The following GSN variants were observed in gnomAD, a reference collection of about 807,000 sequenced individuals.
GSN encodes gelsolin, also known as actin-depolymerizing factor.
GSN carries 56 observed loss-of-function variants against 85.7 expected under a neutral mutation model. The ratio of observed to expected loss-of-function variants is 0.65; its 90% CI spans 0.53 to 0.82. The LOEUF is 0.82. GSN is among the 40% of genes least tolerant of loss of function. The pLI is 0.00. For missense variants in GSN, 857 were observed against 979.8 expected, an observed-to-expected ratio of 0.87 and a Z score of 1.67; for synonymous variants, 373 against 399.1, an observed-to-expected ratio of 0.93 and a Z score of 0.78.
intron 6 of GSN, among the ~76,000 whole-genome samples, chr9:121,257,223 A>G (rs923000487): frequency 6.6e-6 from 1 of 152,220 alleles, no homozygotes; most frequent in Non-Finnish European, 1.5e-5. Flanking sequence ...GAAAAGTATG[A>G]TAATTAATAG....
intron 4 of GSN, among the ~76,000 whole-genome samples, chr9:121,304,768 A>T (rs1588984313): frequency 1.3e-5 from 2 of 152,226 alleles, no homozygotes; most frequent in South Asian, 2.1e-4. Flanking sequence ...CTGGAGGCTC[A>T]GAGAGGTCAC....
chr9:121,219,116 A>G (rs542204519), intron 4 of GSN, among the ~76,000 whole-genome samples: 7 of 152,280 alleles, frequency 4.6e-5, no homozygotes, highest in African/African-American at 1.7e-4. Context: ...GGACAGATCC[A>G]CCTGGTGGGG....
At chr9:121,256,892 A>G (rs374690836) in intron 6 of GSN, among the ~76,000 whole-genome samples, 138 of 152,326 alleles carry the variant, frequency 9.1e-4, no homozygotes, top group African/African-American at 3.1e-3. Context: ...CTCCATCTCA[A>G]AAAAAGAAAA....
intron 4 of GSN, among the ~76,000 whole-genome samples, chr9:121,219,547 A>ACTC (rs2054129086): frequency 6.6e-6 from 1 of 152,208 alleles, no homozygotes; most frequent in African/African-American, 2.4e-5. Context: ...AGGGGCTGAG[A>ACTC]AGACCCTGAA....
chr9:121,292,238 C>A lies in GSN; in HGVS notation c.-9-9725C>A, dbSNP rs376223805. Among the ~76,000 whole-genome samples the A allele has an allele frequency of 8.5e-5, 13 of 152,098 alleles. 1 individual carries two copies. The highest frequency in any genetic ancestry group is 8.5e-4 in the Admixed American group (13 of 15,268). On this transcript the variant is annotated intron_variant, in intron 2 of 17. Transcript: ENST00000432226. ...TTGGGTGAGGCAGAACAGGCAAAGT[C>A]AGAGAGGAGGGGAGGGGGTGTCATT...
At chr9:121,268,133 C>A (rs1406897312), upstream of GSN, 1 of 151,618 alleles carries the variant, frequency 6.6e-6, no homozygotes, top group Non-Finnish European at 1.5e-5. Context: ...CCCGGCCGCG[C>A]GCACCACAAC....
At chr9:121,202,110 G>T in the GSN span, among the ~76,000 whole-genome samples, 7 of 152,236 alleles carry the variant, frequency 4.6e-5, no homozygotes, top group Non-Finnish European at 8.8e-5. Context: ...GCGCAGTCGC[G>T]TGTCCTCGCC....
At chr9:121,304,725 G>C (rs1474747345) in intron 4 of GSN, among the ~76,000 whole-genome samples, 1 of 152,212 alleles carries the variant, frequency 6.6e-6, no homozygotes, top group East Asian at 1.9e-4. Context: ...GTCCTGGGAG[G>C]TAAGTAATTC....
chr9:121,318,975 T>A lies in GSN; in HGVS notation c.1191+95T>A, dbSNP rs542584086. ...TCCCCAAGGAGGTTTCTCTCTGAGG[T>A]TTGCACAACTTTGGTAGCTGAGATT... On this transcript the variant is annotated intron_variant, in intron 10 of 17. Coordinates refer to ENST00000432226, the MANE Select transcript of GSN (RefSeq NM_198252.3). The surrounding 1 kb of genome is among the most constrained non-coding windows in gnomAD (Gnocchi z 4.3). 1.0e-6 allele frequency: 1 copy of A among 971,252 alleles called. No homozygotes were observed. The highest frequency in any genetic ancestry group is 1.6e-6 in the Non-Finnish European group (1 of 616,208). 60.2% of individuals were successfully genotyped at this position (971,252 alleles called of 1,614,324 possible).
intron 2 of GSN, chr9:121,282,078 G>A: frequency 2.1e-6 from 1 of 468,110 alleles, no homozygotes. Context: ...GGCAGGGTGG[G>A]GCCCACCTGA....
At chr9:121,296,187 G>A (rs2059203805) in intron 2 of GSN, among the ~76,000 whole-genome samples, 2 of 152,254 alleles carry the variant, frequency 1.3e-5, no homozygotes, top group South Asian at 4.1e-4. Context: ...CCCAGGTCAG[G>A]TGGTGCTAGG....
chr9:121,307,306 AT>A (rs1454843055), intron 4 of GSN, among the ~76,000 whole-genome samples: 1 of 152,244 alleles, frequency 6.6e-6, no homozygotes, highest in Non-Finnish European at 1.5e-5. Context: ...AATGAAAGGC[AT>A]ACTTCAACAA....
chr9:121,288,739 T>C (rs1405749087), intron 2 of GSN, among the ~76,000 whole-genome samples: 15 of 152,056 alleles, frequency 9.9e-5, no homozygotes, highest in Admixed American at 9.2e-4. Flanking sequence ...ACACAATTCA[T>C]AGATCCAGGA....
chr9:121,285,691 C>T (rs2057985460), intron 2 of GSN, among the ~76,000 whole-genome samples: 1 of 152,142 alleles, frequency 6.6e-6, no homozygotes, highest in African/African-American at 2.4e-5. Context: ...TCTCCCTGCT[C>T]ACATGTTTAT....
At chr9:121,239,472 G>T (rs2054560458) in intron 5 of GSN, 2 of 345,508 alleles carry the variant, frequency 5.8e-6, no homozygotes, top group South Asian at 2.7e-5. Flanking sequence ...CCTCAGTGTA[G>T]TCTACGTCTT....
At chr9:121,278,550 CCCAAAGACTGGCCTTT>C (rs2056944208) in intron 1 of GSN, among the ~76,000 whole-genome samples, 1 of 152,204 alleles carries the variant, frequency 6.6e-6, no homozygotes, top group South Asian at 2.1e-4. Flanking sequence ...GAGCTCTCTC[CCCAAAGACTGGCCTTT>C]CCACAGCTGA....
At chr9:121,331,479 A>AGGGGGGGGGGGGGGGGGGG in intron 17 of GSN, 31 bp downstream of exon 17, 1 of 1,033,142 alleles carries the variant, frequency 9.7e-7, no homozygotes, top group South Asian at 1.4e-5. Flanking sequence ...GGGCGGGGGG[A>AGGGGGGGGGGGGGGGGGGG]GGGGTCCGTT....
At chr9:121,236,202 T>C (rs538824183) in intron 5 of GSN, among the ~76,000 whole-genome samples, 57 of 152,212 alleles carry the variant, frequency 3.7e-4, no homozygotes, top group Non-Finnish European at 6.6e-4. Context: ...TTTAACATGT[T>C]GTTGTTATTG....
chr9:121,299,904 T>A lies in GSN; in HGVS notation c.-9-2059T>A. 7.9e-7 allele frequency: 1 copy of A among 1,264,044 alleles called. No individual in the cohort carries two copies. Among genetic ancestry groups the A allele is most frequent in the Non-Finnish European group, 1.0e-6 (1 of 1,000,400 alleles). The allele number at this position is 1,264,044 out of a possible 1,614,324, so 78.3% of individuals were successfully genotyped here. ...CGCGCCCGCGCTGCTTTGCGCGCTG[T>A]CCCTGGCGCTGTGCGCGCTGTCGCT... On this transcript the variant is annotated intron_variant, in intron 2 of 17. Transcript: ENST00000432226. This position sits in a 1 kb window ranked among gnomAD's most constrained non-coding sequence, Gnocchi z 4.2.
Sources: allele counts gnomAD v4.1 joint callset (sites outside exome capture counted in the v4.1 genomes callset), GRCh38; gene constraint gnomAD v4.1.1; non-coding constraint Gnocchi (gnomAD v3.1); transcripts MANE v1.5; gene names NCBI Gene and HGNC (gene_info 2026-07-23, HGNC 2026-07-21).